Variants in SLCO3A1 observed in about 807,000 individuals in gnomAD.
SLCO3A1 encodes the protein solute carrier organic anion transporter family member 3A1, also known as PGE1 transporter.
A neutral mutation model predicts 63.1 loss-of-function variants in SLCO3A1; 27 were observed. The observed-to-expected ratio is 0.43, with a 90% CI of 0.32 to 0.59. The LOEUF (loss-of-function observed/expected upper bound fraction) is 0.59, where lower values mean the gene tolerates loss of function less well. Among genes scored for constraint, SLCO3A1 ranks in the 20% least tolerant of loss-of-function variants. The probability of loss-of-function intolerance (pLI) is 0.09; values close to 1 mark genes in which losing one functional copy is unlikely to be tolerated. For missense variants in SLCO3A1, 773 were observed against 945.8 expected (o/e 0.82, Z 2.40); for synonymous variants, 473 against 409.9 (o/e 1.15, Z -1.86).
At chr15:91,932,851 C>T (rs975362033) in intron 2 of SLCO3A1, among the ~76,000 whole-genome samples, 17 of 152,204 alleles carry the variant, frequency 1.1e-4, no homozygotes, top group Admixed American at 3.3e-4. Flanking sequence ...CTTAGGGGCA[C>T]TGATCTTTAA....
chr15:92,171,923 G>T, exon 11 of SLCO3A1: 1 of 1,308,566 alleles, frequency 7.6e-7, no homozygotes, highest in Non-Finnish European at 1.1e-6. Flanking sequence ...AGACCTCGCG[G>T]GCCTCACTTA....
chr15:92,066,633 C>T (rs2047155602), intron 2 of SLCO3A1, among the ~76,000 whole-genome samples: 1 of 152,168 alleles, frequency 6.6e-6, no homozygotes. Context: ...CTCTCTGAGC[C>T]TCAGTTTCCT....
At chr15:92,127,168 C>T (rs981480098) in intron 6 of SLCO3A1, among the ~76,000 whole-genome samples, 1 of 152,200 alleles carries the variant, frequency 6.6e-6, no homozygotes, top group Non-Finnish European at 1.5e-5. Context: ...ACGGGGTTGC[C>T]CCTTCCAATC....
intron 2 of SLCO3A1, among the ~76,000 whole-genome samples, chr15:91,935,416 G>A (rs1170941416): frequency 2.0e-5 from 3 of 152,142 alleles, no homozygotes; most frequent in Admixed American, 1.3e-4. Flanking sequence ...TGGAGGGAGA[G>A]AACACAAAAA....
In SLCO3A1 at chr15:91,916,459, G is replaced by A; in HGVS notation, c.646+1G>A. The A allele has an allele frequency of 1.9e-6, 3 of 1,594,478 alleles. No homozygotes were observed. Among genetic ancestry groups the A allele is most frequent in the Non-Finnish European group, 2.6e-6 (3 of 1,170,458 alleles). On this transcript the variant is annotated splice_donor_variant, in intron 2 of 9. Transcript: ENST00000318445. LOFTEE classifies it high-confidence loss of function. This position sits in a 1 kb window ranked among gnomAD's most constrained non-coding sequence, Gnocchi z 6.2. ...AGGAAGGACTCCTCGCTCTATATAG[G>A]TAGGAGCTGCCCCAGCCGTATTAGC...
At position 91,967,941 on chromosome 15, in the gene SLCO3A1, T is replaced by A. The variant is rs1900718871; in HGVS notation, c.646+51483T>A. Among the ~76,000 whole-genome samples, 1 of 152,160 alleles carries A rather than the reference T, an allele frequency of 6.6e-6. No homozygotes were observed. Among genetic ancestry groups the A allele is most frequent in the African/African-American group, 2.4e-5 (1 of 41,446 alleles). ...AGCTAAATCAAGAAGGTGGCTCTCT[T>A]CCCTCCTCTTTGCTCCCCTCTTCCT... On this transcript the variant is annotated intron_variant, in intron 2 of 9. Coordinates refer to ENST00000318445, the MANE Select transcript of SLCO3A1 (RefSeq NM_013272.4). This position sits in a 1 kb window ranked among gnomAD's most constrained non-coding sequence, Gnocchi z 4.4.
At chr15:92,056,164 C>T (rs12911402) in intron 2 of SLCO3A1, among the ~76,000 whole-genome samples, 99,129 of 151,836 alleles carry the variant, frequency 0.65, 32,994 homozygotes, top group Admixed American at 0.79. Flanking sequence ...GAAGATGTAT[C>T]TTCCTTCTTT....
chr15:92,155,682 C>T (rs183603603), intron 9 of SLCO3A1, among the ~76,000 whole-genome samples: 62 of 140,514 alleles, frequency 4.4e-4, no homozygotes, highest in South Asian at 2.4e-3. Context: ...TGGGTTTGAA[C>T]GGTAAAGACA....
intron 6 of SLCO3A1, among the ~76,000 whole-genome samples, chr15:92,127,572 T>C (rs1361427058): frequency 6.6e-6 from 1 of 152,152 alleles, no homozygotes; most frequent in Non-Finnish European, 1.5e-5. Context: ...CCTTTATTAT[T>C]ATGAAGTGCT....
intron 2 of SLCO3A1, among the ~76,000 whole-genome samples, chr15:91,971,338 T>C (rs1051955398): frequency 7.9e-6 from 1 of 126,890 alleles, no homozygotes; most frequent in Admixed American, 1.0e-4. Context: ...GAGCTTGCAG[T>C]GAGCCGAGGT....
At chr15:91,889,339 C>G (rs1024666351) in intron 1 of SLCO3A1, 3 of 382,036 alleles carry the variant, frequency 7.9e-6, no homozygotes, top group African/African-American at 4.3e-5. Flanking sequence ...ACTCATCACT[C>G]AGCACTTATC....
At chr15:91,930,472 G>C (rs1181212828) in intron 2 of SLCO3A1, among the ~76,000 whole-genome samples, 1 of 152,166 alleles carries the variant, frequency 6.6e-6, no homozygotes, top group African/African-American at 2.4e-5. Context: ...TGCCCAATGA[G>C]TAATAACCAT....
At chr15:91,977,369 C>A (rs116355516) in intron 2 of SLCO3A1, among the ~76,000 whole-genome samples, 1 of 152,090 alleles carries the variant, frequency 6.6e-6, no homozygotes, top group Non-Finnish European at 1.5e-5. Context: ...TGTTGTGATA[C>A]GTTCCAAGTT....
chr15:91,926,830 T>A (rs1899048326), intron 2 of SLCO3A1, among the ~76,000 whole-genome samples: 1 of 152,052 alleles, frequency 6.6e-6, no homozygotes, highest in East Asian at 1.9e-4. Flanking sequence ...ATGTGGAGAT[T>A]TACGTGTATA....
intron 2 of SLCO3A1, among the ~76,000 whole-genome samples, chr15:91,929,718 T>C (rs984528250): frequency 6.6e-6 from 1 of 152,180 alleles, no homozygotes; most frequent in Admixed American, 6.5e-5. Flanking sequence ...CTCCAGGCCC[T>C]GGCAACCACC....
In SLCO3A1 at chr15:92,126,058, C is replaced by T; in HGVS notation, c.1175-3C>T. 3 of 1,613,662 alleles carry T rather than the reference C, an allele frequency of 1.9e-6. No homozygotes were observed. Among genetic ancestry groups the T allele is most frequent in the Non-Finnish European group, 2.5e-6 (3 of 1,179,808 alleles). ...CAGCCCTGCCCCTCTATTTTCCTTC[C>T]AGGGATGACTGCGATCCCGTGTGCT... On this transcript the variant is annotated splice_region_variant and splice_polypyrimidine_tract_variant and intron_variant, in intron 5 of 9. Coordinates refer to ENST00000318445, the MANE Select transcript of SLCO3A1 (RefSeq NM_013272.4).
intron 1 of SLCO3A1, among the ~76,000 whole-genome samples, chr15:91,871,359 G>A (rs1193426270): frequency 6.6e-6 from 1 of 152,130 alleles, no homozygotes; most frequent in Non-Finnish European, 1.5e-5. Flanking sequence ...AGTGGGTTCG[G>A]TCTTCCTGTG....
intron 1 of SLCO3A1, among the ~76,000 whole-genome samples, chr15:91,914,688 G>A (rs968922821): frequency 4.0e-5 from 6 of 150,604 alleles, no homozygotes; most frequent in African/African-American, 1.5e-4. Flanking sequence ...TCCTGCCTCA[G>A]CCTTCCCTGA....
chr15:91,891,017 T>C (rs553177253), intron 1 of SLCO3A1, among the ~76,000 whole-genome samples: 2 of 152,220 alleles, frequency 1.3e-5, no homozygotes, highest in South Asian at 4.1e-4. Context: ...TGGCCCTTCA[T>C]GCAATTACAG....
Sources: gnomAD v4.1 joint callset for allele counts (sites outside exome capture counted in the v4.1 genomes callset) on GRCh38, gnomAD v4.1.1 for gene constraint, Gnocchi (gnomAD v3.1) non-coding constraint, MANE v1.5 for transcripts, NCBI Gene and HGNC (gene_info 2026-07-23, HGNC 2026-07-21) for gene names.